Variants in DHX32 observed in about 807,000 individuals in gnomAD.
The protein encoded by DHX32 is DEAH-box helicase 32 (putative).
In DHX32, 51 loss-of-function variants were observed where a neutral mutation model predicts 70.0. The observed-to-expected ratio is 0.73, with a 90% confidence interval of 0.58 to 0.92. The LOEUF (loss-of-function observed/expected upper bound fraction) is 0.92, where lower values mean the gene tolerates loss of function less well. Among genes scored for constraint, DHX32 ranks in the 40% least tolerant of loss-of-function variants. DHX32 has a pLI of 0.00. For missense variants in DHX32, 762 were observed against 891.8 expected, an observed-to-expected ratio of 0.85 and a Z score of 1.85; for synonymous variants, 310 against 315.3, an observed-to-expected ratio of 0.98 and a Z score of 0.18.
At chr10:125,864,326 A>G (rs1944206428) in intron 2 of DHX32, among the ~76,000 whole-genome samples, 1 of 152,200 alleles carries the variant, frequency 6.6e-6, no homozygotes, top group Admixed American at 6.5e-5. Context: ...GCAAGGGCAG[A>G]AAGAAACAAC....
rs371312612 is a variant in DHX32, at chr10:125,852,563, A to G, written c.1172T>C (p.Ile391Thr). The change falls in exon 5 of 11, where the codon ATT (isoleucine) becomes ACT (threonine). Residue 391 changes from isoleucine to threonine, a missense_variant. This residue lies in a region of DHX32 where 394 missense variants were observed against 473.1 expected (regional missense o/e 0.83). Transcript: ENST00000284690. ...ACTACCTGAAGAAGATGAGCCAAGAATCTGCTTGCGTATCTCTGCCTGGCT... is the reference window on the plus strand; with the variant it reads ...ACTACCTGAAGAAGATGAGCCAAGAGTCTGCTTGCGTATCTCTGCCTGGCT... ...SQSQAEIRKQ[I>T]LGSSSSGKFF... The G allele has an allele frequency of 2.0e-5, 33 of 1,613,596 alleles. No homozygotes were observed. The highest frequency in any genetic ancestry group is 1.6e-4 in the Middle Eastern group (1 of 6,084).
chr10:125,848,830 A>G (rs767001523), intron 6 of DHX32, among the ~76,000 whole-genome samples: 5 of 152,204 alleles, frequency 3.3e-5, no homozygotes, highest in Non-Finnish European at 7.3e-5. Flanking sequence ...GGGCATGCAT[A>G]TGTTAACTAA....
intron 1 of DHX32, among the ~76,000 whole-genome samples, chr10:125,871,834 C>T (rs1211845810): frequency 6.6e-6 from 1 of 151,504 alleles, no homozygotes; most frequent in Non-Finnish European, 1.5e-5. Context: ...TTGGTATTGA[C>T]CTTTCTTCCC....
intron 8 of DHX32, among the ~76,000 whole-genome samples, chr10:125,840,265 C>T (rs1854834677): frequency 6.6e-6 from 1 of 152,162 alleles, no homozygotes. Context: ...AGGTAAGCTA[C>T]CCACTGCCCT....
Position 125,854,078 on chromosome 10 carries a change from T to C in DHX32, c.975A>G (p.Thr325=). ...TTTGATAAACTTGGCATCTTTTTTC[T>C]GTTTCATCGAGTGGCTTGAACAATG... ...KCSLFKPLDE[T]EKRCQVYQRR... is the part of the protein sequence containing the mutation. The change falls in exon 4 of 11, where the codon ACA becomes ACG. Residue 325 remains threonine (T), a synonymous_variant. Coordinates refer to ENST00000284690, the MANE Select transcript of DHX32 (RefSeq NM_018180.3). 1 of 1,614,138 alleles carries C rather than the reference T, an allele frequency of 6.2e-7. No homozygotes were observed. Among genetic ancestry groups the C allele is most frequent in the Non-Finnish European group, 8.5e-7 (1 of 1,180,006 alleles).
intron 1 of DHX32, among the ~76,000 whole-genome samples, chr10:125,888,202 A>ATTTT (rs36204414): frequency 5.3e-5 from 7 of 132,830 alleles, no homozygotes; most frequent in Admixed American, 1.5e-4. Context: ...TGAGCAATGC[A>ATTTT]TTTTTTTTTT....
chr10:125,847,825 C>T (rs1231326187), intron 6 of DHX32, among the ~76,000 whole-genome samples: 1 of 152,068 alleles, frequency 6.6e-6, no homozygotes, highest in Non-Finnish European at 1.5e-5. Context: ...GAGCGGGCAG[C>T]CTAGATCCCT....
At chr10:125,851,920 CA>C (rs56380138) in intron 6 of DHX32, among the ~76,000 whole-genome samples, 41,685 of 86,894 alleles carry the variant, frequency 0.48, 6,805 homozygotes, top group Middle Eastern at 0.64. Context: ...GACCCTGTCT[CA>C]AAAAAAAAAA....
intron 2 of DHX32, among the ~76,000 whole-genome samples, chr10:125,860,535 C>A (rs914460828): frequency 2.6e-5 from 4 of 152,086 alleles, no homozygotes; most frequent in Admixed American, 1.3e-4. Flanking sequence ...ACAGAAGGAT[C>A]TAAAAAGTAA....
intron 6 of DHX32, among the ~76,000 whole-genome samples, chr10:125,851,830 AG>A (rs1440803607): frequency 6.8e-6 from 1 of 146,350 alleles, no homozygotes; most frequent in Non-Finnish European, 1.5e-5. Context: ...CTGTGGTGGG[AG>A]GATCACTTGA....
At chr10:125,860,848 C>T (rs1434800915) in intron 2 of DHX32, among the ~76,000 whole-genome samples, 1 of 113,784 alleles carries the variant, frequency 8.8e-6, no homozygotes, top group East Asian at 2.2e-4. Context: ...CTCCGCCTCC[C>T]GGGTTCACGC....
intron 6 of DHX32, among the ~76,000 whole-genome samples, chr10:125,848,880 C>A (rs1489006380): frequency 6.6e-6 from 1 of 152,148 alleles, no homozygotes; most frequent in Non-Finnish European, 1.5e-5. Flanking sequence ...CTTTGATTAT[C>A]CTCATATTCA....
chr10:125,859,522 A>G (rs1418861723), intron 3 of DHX32, 81 bp downstream of exon 3: 19 of 1,452,368 alleles, frequency 1.3e-5, no homozygotes, highest in Non-Finnish European at 1.8e-5. Context: ...TAATTAGCAA[A>G]CTGAAACCTG....
intron 8 of DHX32, among the ~76,000 whole-genome samples, chr10:125,840,394 CAG>C (rs546438381): frequency 3.3e-5 from 5 of 152,248 alleles, no homozygotes; most frequent in Non-Finnish European, 7.3e-5. Flanking sequence ...CTCAGCACCC[CAG>C]CCTACCTATT....
rs1170350164 is a variant in DHX32, at chr10:125,880,842, T to C, written c.-18A>G. ...TCTTCCATCTTGTCTGACAGTGAGC[T>C]CACGCAGCTGACATTCCACAAGCAA... On this transcript the variant is annotated 5_prime_UTR_variant, in exon 1 of 11. An upstream open reading frame in the 5' UTR loses its in-frame stop. Transcript: ENST00000284690. The C allele has an allele frequency of 6.3e-7, 1 of 1,598,852 alleles. No individual in the cohort carries two copies. The highest frequency in any genetic ancestry group is 1.3e-5 in the African/African-American group (1 of 74,092).
intron 6 of DHX32, among the ~76,000 whole-genome samples, chr10:125,848,832 G>A (rs1278843102): frequency 6.6e-6 from 1 of 152,210 alleles, no homozygotes; most frequent in Non-Finnish European, 1.5e-5. Context: ...GCATGCATAT[G>A]TTAACTAATT....
intron 2 of DHX32, among the ~76,000 whole-genome samples, chr10:125,864,573 G>T (rs1004461262): frequency 2.6e-5 from 4 of 152,118 alleles, no homozygotes; most frequent in African/African-American, 9.7e-5. Flanking sequence ...AAAAGGTGAG[G>T]CGTGTCTAAC....
upstream of DHX32, among the ~76,000 whole-genome samples, chr10:125,881,910 T>G (rs1374040524): frequency 1.3e-5 from 2 of 152,234 alleles, no homozygotes; most frequent in Non-Finnish European, 2.9e-5. Context: ...CCCAAAGTGC[T>G]GGGATTTCAA....
In DHX32 at chr10:125,839,013, A is replaced by G; in HGVS notation, c.1869T>C (p.Gly623=). 1 of 1,613,948 alleles carries G rather than the reference A, an allele frequency of 6.2e-7. No homozygotes were observed. The highest frequency in any genetic ancestry group is 1.1e-5 in the South Asian group (1 of 91,060). Residue 623 remains glycine (G), a synonymous_variant, in exon 9 of 11, where the codon GGT becomes GGC. Transcript: ENST00000284690. ...TLNIKKALLS[G]YFMQIARDVD... is the part of the protein sequence containing the mutation. ...CACCCCTTCTCACCTGCATAAAGTA[A>G]CCGGACAGAAGAGCTTTCTTTATGT...
Sources: gnomAD v4.1 joint callset for allele counts (sites outside exome capture counted in the v4.1 genomes callset) on GRCh38, gnomAD v4.1.1 for gene constraint, gnomAD v4.1.1 regional missense constraint, MANE v1.5 for transcripts, NCBI Gene and HGNC (gene_info 2026-07-23, HGNC 2026-07-21) for gene names.